Variants in RASGRP3 observed in about 807,000 individuals in gnomAD.
RASGRP3 encodes the protein RAS guanyl releasing protein 3, also known as ras guanyl-releasing protein 3.
Under a neutral mutation model 82.7 loss-of-function variants are expected in RASGRP3, and 54 were observed. The ratio of observed to expected loss-of-function variants is 0.65; its 90% CI spans 0.52 to 0.82. The LOEUF (loss-of-function observed/expected upper bound fraction) is 0.82, where lower values mean the gene tolerates loss of function less well. Among genes scored for constraint, RASGRP3 ranks in the 40% least tolerant of loss-of-function variants. RASGRP3 has a pLI of 0.00. For synonymous variants in RASGRP3, 309 were observed against 300.5 expected, an observed-to-expected ratio of 1.03 and a Z score of -0.29; for missense variants, 861 against 828.9, an observed-to-expected ratio of 1.04 and a Z score of -0.48.
chr2:33,535,426 C>A (rs2151057706), intron 11 of RASGRP3, among the ~76,000 whole-genome samples: 1 of 152,358 alleles, frequency 6.6e-6, no homozygotes, highest in Admixed American at 6.5e-5. Context: ...GAGATCAGTT[C>A]TCTTATAAAG....
chr2:33,437,794 A>C (rs1665005182), intron 1 of RASGRP3, among the ~76,000 whole-genome samples: 1 of 152,214 alleles, frequency 6.6e-6, no homozygotes, highest in Admixed American at 6.5e-5. Context: ...TTTGAATAGA[A>C]AGATCATGAT....
intron 1 of RASGRP3, among the ~76,000 whole-genome samples, chr2:33,486,284 C>T (rs1668372122): frequency 6.6e-6 from 1 of 151,980 alleles, no homozygotes; most frequent in Non-Finnish European, 1.5e-5. Context: ...CTGCCTCAGC[C>T]TCCTGAGTAA....
At position 33,558,766 on chromosome 2, in the gene RASGRP3, G is replaced by C. The variant is rs764088220; in HGVS notation, c.1800G>C (p.Lys600Asn). 1.9e-6 allele frequency: 3 copies of C among 1,613,878 alleles called. No individual in the cohort carries two copies. The change falls in exon 17 of 18, where the codon AAG (lysine) becomes AAC (asparagine). Residue 600 changes from lysine (K) to asparagine (N), a missense_variant. Coordinates refer to ENST00000403687, the MANE Select transcript of RASGRP3 (RefSeq NM_001139488.2). Reference protein sequence around the residue: ...AITLVTGSSRKISVRLQRATT... With the variant: ...AITLVTGSSRNISVRLQRATT... ...CACTGGTTACAGGCTCTTCTCGCAA[G>C]ATCTCTGTGAGGCTACAGAGGGCCA... is the stretch of plus-strand genomic sequence containing the variant.
At chr2:33,452,969 T>G (rs1177914678) in intron 2 of RASGRP3, among the ~76,000 whole-genome samples, 1 of 152,186 alleles carries the variant, frequency 6.6e-6, no homozygotes, top group Non-Finnish European at 1.5e-5. Flanking sequence ...GTGGGCCCGA[T>G]GCTGTGGTCC....
intron 1 of RASGRP3, among the ~76,000 whole-genome samples, chr2:33,440,705 C>A (rs1164266871): frequency 6.6e-6 from 1 of 152,080 alleles, no homozygotes; most frequent in African/African-American, 2.4e-5. Context: ...CCCTTAGTGG[C>A]TCATTTTAAA....
At chr2:33,512,781 G>A (rs1671057474) in intron 2 of RASGRP3, among the ~76,000 whole-genome samples, 2 of 152,128 alleles carry the variant, frequency 1.3e-5, no homozygotes, top group South Asian at 4.1e-4. Context: ...TAATTTTTGA[G>A]TATCTTTTAT....
intron 1 of RASGRP3, among the ~76,000 whole-genome samples, chr2:33,443,103 T>G (rs1665314321): frequency 6.6e-6 from 1 of 152,204 alleles, no homozygotes; most frequent in Admixed American, 6.5e-5. Flanking sequence ...TGCCTCTGAA[T>G]AACTCCCTGT....
At chr2:33,437,870 T>A (rs973748979) in intron 1 of RASGRP3, among the ~76,000 whole-genome samples, 1 of 152,058 alleles carries the variant, frequency 6.6e-6, no homozygotes, top group African/African-American at 2.4e-5. Flanking sequence ...TGAATAAATA[T>A]GATAGATCTG....
chr2:33,518,806 A>G (rs1012067611), intron 4 of RASGRP3, among the ~76,000 whole-genome samples: 3 of 152,184 alleles, frequency 2.0e-5, no homozygotes, highest in Non-Finnish European at 4.4e-5. Context: ...AGGATCATCA[A>G]TATCACTGTC....
intron 1 of RASGRP3, among the ~76,000 whole-genome samples, chr2:33,492,863 G>A (rs1668973938): frequency 6.6e-6 from 1 of 152,186 alleles, no homozygotes; most frequent in African/African-American, 2.4e-5. Context: ...AGGATGGGGA[G>A]GGGAACATTC....
intron 2 of RASGRP3, among the ~76,000 whole-genome samples, chr2:33,514,723 G>T (rs1342192969): frequency 6.6e-6 from 1 of 151,694 alleles, no homozygotes; most frequent in African/African-American, 2.4e-5. Flanking sequence ...TCAAAAAAAA[G>T]GATATAAGGA....
chr2:33,452,036 C>T (rs1389707068), intron 2 of RASGRP3, among the ~76,000 whole-genome samples: 2 of 152,044 alleles, frequency 1.3e-5, no homozygotes, highest in African/African-American at 2.4e-5. Flanking sequence ...TTTTCAGTTC[C>T]ATCACTATGT....
chr2:33,456,345 C>T (rs753689032), intron 2 of RASGRP3, among the ~76,000 whole-genome samples: 28 of 135,244 alleles, frequency 2.1e-4, no homozygotes, highest in South Asian at 4.4e-4. Flanking sequence ...TTTTAATTTT[C>T]GATTTATCAT....
chr2:33,533,850 T>C (rs1034712618), intron 10 of RASGRP3: 2 of 156,938 alleles, frequency 1.3e-5, no homozygotes, highest in African/African-American at 4.8e-5. Flanking sequence ...ATCAGGGCCT[T>C]GAGGGCAAGA....
chr2:33,534,367 G>C lies in RASGRP3; in HGVS notation c.1128G>C (p.Leu376=), dbSNP rs1043400172. 7.0e-6 allele frequency: 11 copies of C among 1,581,482 alleles called. No individual in the cohort carries two copies. In the African/African-American group the frequency reaches 1.1e-4, roughly 15 times the overall value. Reference sequence around the variant, plus strand: ...ACACTGAAGATGATATTTACAAACTGTCACTGGTGCTGGAGCCTAGAAATT... The same window carrying C: ...ACACTGAAGATGATATTTACAAACTCTCACTGGTGCTGGAGCCTAGAAATT... The part of the protein sequence containing the change: ...LYHTEDDIYK[L]SLVLEPRNSK... Residue 376 remains leucine, a synonymous_variant, in exon 11 of 18, where the codon CTG becomes CTC. Transcript: ENST00000403687.
At position 33,461,445 on chromosome 2, in the gene RASGRP3, T is replaced by G. The variant is rs111535715; in HGVS notation, c.-261+13502T>G. On this transcript the variant is annotated intron_variant, in intron 2 of 18. Transcript: ENST00000402538. ...AGGTGCCGTCACGACACTCAGCTAA[T>G]TTTTGTATTTTTAGTAGAGGCGGGG... is the stretch of plus-strand genomic sequence containing the variant. 8.8e-3 allele frequency among the ~76,000 whole-genome samples: 1,334 copies of G among 152,270 alleles called. 19 individuals are homozygous for G. Among genetic ancestry groups the G allele is most frequent in the African/African-American group, 0.029 (1,213 of 41,528 alleles).
In RASGRP3 at chr2:33,558,762, G is replaced by C. The variant is rs760725569; in HGVS notation, c.1796G>C (p.Arg599Pro). Reference protein sequence around the residue: ...RAITLVTGSSRKISVRLQRAT... With the variant: ...RAITLVTGSSPKISVRLQRAT... ...ATCACACTGGTTACAGGCTCTTCTCGCAAGATCTCTGTGAGGCTACAGAGG... is the reference window on the plus strand; with the variant it reads ...ATCACACTGGTTACAGGCTCTTCTCCCAAGATCTCTGTGAGGCTACAGAGG... The change falls in exon 17 of 18, where the codon CGC (arginine) becomes CCC (proline). Residue 599 changes from arginine (R) to proline (P), a missense_variant. Physicochemically the swap from Arg to Pro is moderately radical, Grantham distance 103. Transcript: ENST00000403687. 12 of 1,613,914 alleles carry C rather than the reference G, an allele frequency of 7.4e-6. No individual in the cohort carries two copies. Among genetic ancestry groups the C allele is most frequent in the East Asian group, 2.2e-5 (1 of 44,872 alleles).
chr2:33,438,643 G>A (rs566908218), intron 1 of RASGRP3, among the ~76,000 whole-genome samples: 12 of 151,908 alleles, frequency 7.9e-5, no homozygotes, highest in Non-Finnish European at 1.3e-4. Context: ...ATAGTTCTAC[G>A]GTAGTTCTAC....
At position 33,516,657 on chromosome 2, in the gene RASGRP3, C is replaced by T; in HGVS notation, c.173+13C>T. On this transcript the variant is annotated intron_variant, in intron 4 of 17. Transcript: ENST00000403687. ...AACTTCTCTGCATATATCTTTTCAACTACTGTGTAATTTTTACAATCATAA... is the reference window on the plus strand; with the variant it reads ...AACTTCTCTGCATATATCTTTTCAATTACTGTGTAATTTTTACAATCATAA... 1 of 1,465,682 alleles carries T rather than the reference C, an allele frequency of 6.8e-7. No homozygotes were observed. The highest frequency in any genetic ancestry group is 9.4e-7 in the Non-Finnish European group (1 of 1,062,156). 90.8% of individuals were successfully genotyped at this position (1,465,682 alleles called of 1,614,324 possible).
Sources: gnomAD v4.1 joint callset for allele counts (sites outside exome capture counted in the v4.1 genomes callset) on GRCh38, gnomAD v4.1.1 for gene constraint, MANE v1.5 for transcripts, NCBI Gene and HGNC (gene_info 2026-07-23, HGNC 2026-07-21) for gene names.